Variants in UBASH3B observed in about 807,000 individuals in gnomAD.
UBASH3B encodes the protein ubiquitin-associated and SH3 domain-containing protein B.
UBASH3B carries 37 observed loss-of-function variants against 83.4 expected under a neutral mutation model. The observed-to-expected ratio is 0.44, with a 90% CI of 0.34 to 0.58. The LOEUF (loss-of-function observed/expected upper bound fraction) is 0.58. Ranked by LOEUF, UBASH3B falls within the 20% of genes least tolerant of loss-of-function variation. The pLI is 0.01. For missense variants in UBASH3B, 657 were observed against 827.2 expected (o/e 0.79, Z 2.52); for synonymous variants, 304 against 318.3 (o/e 0.96, Z 0.48).
At chr11:122,672,725 A>G (rs1863614968) in intron 1 of UBASH3B, among the ~76,000 whole-genome samples, 1 of 152,190 alleles carries the variant, frequency 6.6e-6, no homozygotes, top group African/African-American at 2.4e-5. Flanking sequence ...GCCCACGTAC[A>G]GATGCTCGAC....
At chr11:122,783,447 C>T (rs1860893168) in intron 5 of UBASH3B, among the ~76,000 whole-genome samples, 1 of 152,136 alleles carries the variant, frequency 6.6e-6, no homozygotes, top group South Asian at 2.1e-4. Context: ...TGGGTAACAT[C>T]CCCCTAGTTC....
chr11:122,747,322 G>A (rs1001413657), intron 1 of UBASH3B, among the ~76,000 whole-genome samples: 11 of 152,228 alleles, frequency 7.2e-5, no homozygotes, highest in African/African-American at 2.4e-4. Flanking sequence ...AACAGAATGA[G>A]TTAATAGACC....
At position 122,809,929 on chromosome 11, in the gene UBASH3B, C is replaced by T. The variant is rs1861410708; in HGVS notation, c.*43C>T. ...GAAGGAAAGGCCTTTTGGAGTGTGT[C>T]TTTCTGTGTGTTTAAAAACAGTGGG... On this transcript the variant is annotated 3_prime_UTR_variant, in exon 14 of 14. Transcript: ENST00000284273. The T allele has an allele frequency of 6.2e-7, 1 of 1,600,012 alleles. No homozygotes were observed. Among genetic ancestry groups the T allele is most frequent in the Admixed American group, 1.8e-5 (1 of 56,832 alleles).
intron 1 of UBASH3B, among the ~76,000 whole-genome samples, chr11:122,755,374 A>G (rs1242909222): frequency 6.6e-6 from 1 of 152,094 alleles, no homozygotes; most frequent in Non-Finnish European, 1.5e-5. Context: ...CCTTCTGTGG[A>G]AAAGACTTGA....
At chr11:122,777,677 G>A (rs921108348) in intron 3 of UBASH3B, among the ~76,000 whole-genome samples, 25 of 151,930 alleles carry the variant, frequency 1.6e-4, no homozygotes, top group African/African-American at 5.6e-4. Context: ...ACTTGCCATT[G>A]TTACCTAGTG....
intron 1 of UBASH3B, among the ~76,000 whole-genome samples, chr11:122,771,459 T>C (rs1199264401): frequency 6.6e-6 from 1 of 152,306 alleles, no homozygotes; most frequent in South Asian, 2.1e-4. Flanking sequence ...CAGGCTGGTC[T>C]CGAACTCCTC....
Position 122,759,112 on chromosome 11 carries a change from T to C in UBASH3B, c.162-17107T>C, listed in dbSNP as rs1049051943. On this transcript the variant is annotated intron_variant, in intron 1 of 13. Coordinates refer to ENST00000284273, the MANE Select transcript of UBASH3B (RefSeq NM_032873.5). The surrounding 1 kb of genome is among the most constrained non-coding windows in gnomAD (Gnocchi z 4.1). The stretch of plus-strand genomic sequence containing the variant: ...CCAGGCCGTGTTCTCACCAGAAAGC[T>C]TGACTAAGATCCACTTATAAGCTCA... 1.3e-5 allele frequency among the ~76,000 whole-genome samples: 2 copies of C among 152,226 alleles called. No individual in the cohort carries two copies. Among genetic ancestry groups the C allele is most frequent in the African/African-American group, 4.8e-5 (2 of 41,462 alleles).
intron 1 of UBASH3B, among the ~76,000 whole-genome samples, chr11:122,690,343 T>C (rs1171624090): frequency 6.7e-6 from 1 of 148,704 alleles, no homozygotes; most frequent in Non-Finnish European, 1.5e-5. Context: ...TATATTATAA[T>C]ACATGTAGAG....
intron 1 of UBASH3B, among the ~76,000 whole-genome samples, chr11:122,699,620 G>A (rs1178221794): frequency 1.5e-5 from 2 of 136,644 alleles, no homozygotes; most frequent in East Asian, 2.1e-4. Flanking sequence ...GTCTCCCTCT[G>A]CCACCAGGCT....
At chr11:122,740,671 A>T (rs952299536) in intron 1 of UBASH3B, among the ~76,000 whole-genome samples, 1 of 152,128 alleles carries the variant, frequency 6.6e-6, no homozygotes, top group Non-Finnish European at 1.5e-5. Context: ...CTGAGTCTGT[A>T]CTTGCAAGCG....
At chr11:122,666,402 T>C (rs185812304) in intron 1 of UBASH3B, among the ~76,000 whole-genome samples, 13 of 152,244 alleles carry the variant, frequency 8.5e-5, no homozygotes, top group Admixed American at 5.2e-4. Flanking sequence ...TTTTTGTTTT[T>C]TTTTTCTTTT....
At chr11:122,686,274 C>G (rs1163910260) in intron 1 of UBASH3B, among the ~76,000 whole-genome samples, 1 of 152,180 alleles carries the variant, frequency 6.6e-6, no homozygotes, top group African/African-American at 2.4e-5. Context: ...CTCCTATGAG[C>G]TGAGTCATGT....
At chr11:122,782,456 G>A (rs1273311626) in intron 4 of UBASH3B, 1 of 152,158 alleles carries the variant, frequency 6.6e-6, no homozygotes, top group African/African-American at 2.4e-5. Context: ...CTGACGTCTT[G>A]TGGGTAGAGG....
intron 1 of UBASH3B, among the ~76,000 whole-genome samples, chr11:122,673,683 C>T (rs898371005): frequency 4.6e-5 from 7 of 152,068 alleles, no homozygotes; most frequent in African/African-American, 1.4e-4. Flanking sequence ...GAAGGCCTGG[C>T]GCTCTTTCTA....
At chr11:122,723,486 T>C (rs1158024438) in intron 1 of UBASH3B, among the ~76,000 whole-genome samples, 1 of 152,214 alleles carries the variant, frequency 6.6e-6, no homozygotes, top group Non-Finnish European at 1.5e-5. Flanking sequence ...TCTCATACTC[T>C]GCTTTGCTCA....
chr11:122,766,213 C>T (rs532012253), intron 1 of UBASH3B, among the ~76,000 whole-genome samples: 2 of 152,272 alleles, frequency 1.3e-5, no homozygotes, highest in Admixed American at 1.3e-4. Context: ...GGAATATAGA[C>T]ATAGTTGCCA....
At chr11:122,728,371 T>C (rs1860781944) in intron 1 of UBASH3B, among the ~76,000 whole-genome samples, 2 of 152,324 alleles carry the variant, frequency 1.3e-5, no homozygotes, top group Admixed American at 1.3e-4. Flanking sequence ...AGGACCACTC[T>C]TTATGGTGTT....
chr11:122,676,078 T>C (rs1171158241), intron 1 of UBASH3B, among the ~76,000 whole-genome samples: 3 of 152,140 alleles, frequency 2.0e-5, no homozygotes, highest in Admixed American at 2.0e-4. Flanking sequence ...CTCTCCCACC[T>C]CACCCTAACA....
chr11:122,682,120 G>A (rs377736689), intron 1 of UBASH3B, among the ~76,000 whole-genome samples: 8 of 152,328 alleles, frequency 5.3e-5, no homozygotes. Context: ...AGGATAGCGA[G>A]TGCAAATTCT....
Sources: gnomAD v4.1 joint callset for allele counts (sites outside exome capture counted in the v4.1 genomes callset) on GRCh38, gnomAD v4.1.1 for gene constraint, Gnocchi (gnomAD v3.1) non-coding constraint, MANE v1.5 for transcripts, NCBI Gene and HGNC (gene_info 2026-07-23, HGNC 2026-07-21) for gene names.